The following CDYL variants were observed in gnomAD, a reference collection of about 807,000 sequenced individuals.
The protein encoded by CDYL is chromodomain Y like, also known as chromodomain Y-like protein.
CDYL carries 8 observed loss-of-function variants against 47.3 expected under a neutral mutation model. The observed-to-expected ratio is 0.17, with a 90% CI of 0.10 to 0.31. The LOEUF is 0.31. Among genes scored for constraint, CDYL ranks in the 10% least tolerant of loss-of-function variants. The pLI is 1.00. For missense variants in CDYL, 471 were observed against 701.4 expected (o/e 0.67, Z 3.71); for synonymous variants, 266 against 265.0 (o/e 1.00, Z -0.04).
intron 1 of CDYL, among the ~76,000 whole-genome samples, chr6:4,837,511 C>T (rs1316313159): frequency 1.3e-5 from 2 of 148,366 alleles, no homozygotes; most frequent in African/African-American, 5.0e-5. Flanking sequence ...GTCGCCCAGG[C>T]TGGAGTGCAG....
chr6:4,950,993 GCCTCT>G lies in CDYL; in HGVS notation c.1333-1272_1333-1268del, dbSNP rs1758685915. Among the ~76,000 whole-genome samples, 10 of 151,424 alleles carry G rather than the reference GCCTCT, an allele frequency of 6.6e-5. 1 individual carries two copies. In the South Asian group the frequency reaches 2.1e-3, roughly 32 times the overall value. On this transcript the variant is annotated intron_variant, in intron 5 of 6. Coordinates refer to ENST00000397588, the MANE Select transcript of CDYL (RefSeq NM_004824.4). ...AGCCTGTCCCCAGCCCTGTTTTCCA[GCCTCT>G]GCCTGCATGGGAGGGGCAGTGAGTC...
intron 1 of CDYL, among the ~76,000 whole-genome samples, chr6:4,825,055 G>A (rs1052560144): frequency 4.6e-5 from 7 of 152,076 alleles, no homozygotes; most frequent in African/African-American, 1.7e-4. Flanking sequence ...ATTTTTAGTA[G>A]AGACAGGGTT....
At chr6:4,786,965 G>A (rs975900179) in intron 1 of CDYL, among the ~76,000 whole-genome samples, 4 of 152,270 alleles carry the variant, frequency 2.6e-5, no homozygotes, top group Admixed American at 1.3e-4. Flanking sequence ...TTCTGCACTT[G>A]CTGGTGGCCC....
chr6:4,820,384 C>T (rs1449006835), intron 1 of CDYL, among the ~76,000 whole-genome samples: 2 of 152,186 alleles, frequency 1.3e-5, no homozygotes, highest in African/African-American at 4.8e-5. Context: ...TCTCCCTCCT[C>T]ACAGCAAAGT....
intron 2 of CDYL, chr6:4,733,380 T>TA (rs1180189690): frequency 2.0e-5 from 3 of 150,286 alleles, no homozygotes; most frequent in Non-Finnish European, 3.0e-5. Flanking sequence ...TACATGTTTT[T>TA]AAAAAAATGA....
intron 1 of CDYL, among the ~76,000 whole-genome samples, chr6:4,709,096 G>A (rs1278271129): frequency 6.6e-6 from 1 of 151,976 alleles, no homozygotes; most frequent in Non-Finnish European, 1.5e-5. Context: ...AACCTTTTCT[G>A]GCACTAATCC....
intron 3 of CDYL, among the ~76,000 whole-genome samples, chr6:4,769,953 C>T (rs1335600059): frequency 1.3e-5 from 2 of 149,596 alleles, no homozygotes; most frequent in East Asian, 1.9e-4. Context: ...ACCGCCACCA[C>T]GCCCGGCTAA....
chr6:4,799,733 C>A (rs1759173631), intron 1 of CDYL, among the ~76,000 whole-genome samples: 1 of 152,148 alleles, frequency 6.6e-6, no homozygotes, highest in Non-Finnish European at 1.5e-5. Context: ...GCCATTGCGC[C>A]CAGCCAAGAT....
intron 1 of CDYL, 30 bp downstream of exon 1, chr6:4,776,837 C>A: frequency 2.3e-6 from 2 of 877,878 alleles, no homozygotes; most frequent in Non-Finnish European, 2.7e-6. Flanking sequence ...CCTCGGGCCG[C>A]CCCCCGCCCG....
At chr6:4,771,705 T>TTC (rs765592793), upstream of CDYL, among the ~76,000 whole-genome samples, 435 of 152,278 alleles carry the variant, frequency 2.9e-3, 3 homozygotes, top group African/African-American at 0.01. Flanking sequence ...TGCCTAGTTG[T>TTC]TCTCTCTCTC....
rs372980060 is a variant in CDYL, at chr6:4,892,274, G to A, written c.586G>A (p.Glu196Lys). 3.1e-6 allele frequency: 5 copies of A among 1,614,052 alleles called. No individual in the cohort carries two copies. The highest frequency in any genetic ancestry group is 1.7e-5 in the Admixed American group (1 of 60,016). ...PVGALLGPGA[E>K]RARMGSRPRI... ...CGGAGCTTTATTGGGCCCCGGTGCC[G>A]AGAGGGCCAGGATGGGGAGCAGGCC... Residue 196 changes from glutamate (E) to lysine (K), a missense_variant, in exon 2 of 7, where the codon GAG becomes AAG. Glu to Lys is a moderately conservative substitution (Grantham distance 56). This residue lies in a region of CDYL where 311 missense variants were observed against 350.0 expected (regional missense o/e 0.89). Transcript: ENST00000397588.
At chr6:4,922,882 G>A (rs1757758344) in intron 2 of CDYL, among the ~76,000 whole-genome samples, 1 of 152,178 alleles carries the variant, frequency 6.6e-6, no homozygotes, top group East Asian at 1.9e-4. Flanking sequence ...ACACCACGGG[G>A]CCTGAGCTCC....
chr6:4,828,313 G>A (rs975302878), intron 1 of CDYL, among the ~76,000 whole-genome samples: 6 of 146,616 alleles, frequency 4.1e-5, no homozygotes, highest in African/African-American at 1.5e-4. Context: ...GCTGGAGTGC[G>A]GTGGCATGAT....
At chr6:4,742,651 T>C (rs928670209) in intron 3 of CDYL, among the ~76,000 whole-genome samples, 2 of 152,248 alleles carry the variant, frequency 1.3e-5, no homozygotes, top group African/African-American at 4.8e-5. Context: ...CAAATCCTGC[T>C]GGATAGGAAT....
intron 3 of CDYL, among the ~76,000 whole-genome samples, chr6:4,766,638 C>T (rs746059826): frequency 2.0e-5 from 3 of 152,080 alleles, no homozygotes; most frequent in African/African-American, 4.8e-5. Context: ...GGCATTCATA[C>T]ACAAACTAAA....
intron 2 of CDYL, among the ~76,000 whole-genome samples, chr6:4,927,583 T>C (rs972846786): frequency 7.9e-5 from 12 of 152,064 alleles, no homozygotes; most frequent in Admixed American, 2.6e-4. Flanking sequence ...ACCCGACTAA[T>C]TTTTGCATTT....
At position 4,952,186 on chromosome 6, in the gene CDYL, C is replaced by T. The variant is rs527501763; in HGVS notation, c.1333-80C>T. ...GCTGGTATTTGTGAATGTTTCCCTT[C>T]GGTGTGGATTTTAAGGGATGGGTCT... On this transcript the variant is annotated intron_variant, in intron 5 of 6. Coordinates refer to ENST00000397588, the MANE Select transcript of CDYL (RefSeq NM_004824.4). 2.0e-5 allele frequency: 29 copies of T among 1,486,168 alleles called. No homozygotes were observed. The East Asian group carries it at 2.6e-4, about 13-fold the overall frequency. 92.1% of individuals were successfully genotyped at this position (1,486,168 alleles called of 1,614,324 possible). A position where few individuals can be genotyped will look rare whatever the true frequency, so the allele number is the denominator to read the frequency against.
chr6:4,873,200 T>C (rs530173408), intron 1 of CDYL, among the ~76,000 whole-genome samples: 3 of 152,356 alleles, frequency 2.0e-5, no homozygotes, highest in South Asian at 2.1e-4. Context: ...GCAATAGGAC[T>C]TGTCGGTATC....
intron 1 of CDYL, among the ~76,000 whole-genome samples, chr6:4,712,401 AAAGG>A (rs1197653890): frequency 1.3e-5 from 2 of 152,354 alleles, no homozygotes; most frequent in Admixed American, 6.5e-5. Flanking sequence ...CTGAAGGTAG[AAAGG>A]GTGACAGTGG....
Sources: gnomAD v4.1 joint callset for allele counts (sites outside exome capture counted in the v4.1 genomes callset) on GRCh38, gnomAD v4.1.1 for gene constraint, gnomAD v4.1.1 regional missense constraint, MANE v1.5 for transcripts, NCBI Gene and HGNC (gene_info 2026-07-23, HGNC 2026-07-21) for gene names.